Variants in PROS1 observed in about 807,000 individuals in gnomAD.
PROS1 encodes vitamin K-dependent protein S.
In PROS1, 29 loss-of-function variants were observed where a neutral mutation model predicts 75.9. The ratio of observed to expected loss-of-function variants is 0.38; its 90% confidence interval spans 0.28 to 0.52. The LOEUF is 0.52. Ranked by LOEUF, PROS1 falls within the 20% of genes least tolerant of loss-of-function variation. The pLI is 0.83. For synonymous variants in PROS1, 245 were observed against 280.6 expected (o/e 0.87, Z 1.27); for missense variants, 680 against 810.3 (o/e 0.84, Z 1.95).
intron 6 of PROS1, among the ~76,000 whole-genome samples, chr3:93,904,517 A>C (rs1576186239): frequency 6.6e-6 from 1 of 152,248 alleles, no homozygotes; most frequent in East Asian, 1.9e-4. Context: ...ATTCAGTAAG[A>C]GATGGATGAT....
chr3:93,902,466 C>A (rs1270223947), intron 6 of PROS1, among the ~76,000 whole-genome samples: 2 of 152,104 alleles, frequency 1.3e-5, no homozygotes, highest in Non-Finnish European at 2.9e-5. Flanking sequence ...AGGTTGTATT[C>A]TTTCAGCTGG....
intron 1 of PROS1, among the ~76,000 whole-genome samples, chr3:93,927,850 C>CATAT (rs62909461): frequency 0.25 from 29,253 of 117,272 alleles, 4,025 homozygotes; most frequent in South Asian, 0.34. Context: ...AAAAAACAAA[C>CATAT]ATATATATAT....
At chr3:93,910,993 A>C (rs1401007034) in intron 3 of PROS1, 8 of 381,046 alleles carry the variant, frequency 2.1e-5, no homozygotes, top group Non-Finnish European at 3.9e-5. Flanking sequence ...TTTAGCATAG[A>C]AATTTATTGT....
intron 1 of PROS1, among the ~76,000 whole-genome samples, chr3:93,965,150 C>A (rs572290302): frequency 6.6e-6 from 1 of 152,314 alleles, no homozygotes. Flanking sequence ...AATGGCAACC[C>A]CCTTTGGGTC....
intron 1 of PROS1, among the ~76,000 whole-genome samples, chr3:93,927,909 G>A (rs1269348905): frequency 3.7e-4 from 50 of 136,346 alleles, no homozygotes; most frequent in Non-Finnish European, 5.0e-4. Context: ...ATGTGTGTGT[G>A]TGTGTATATA....
At position 93,877,068 on chromosome 3, in the gene PROS1, G is replaced by C; in HGVS notation, c.1768C>G (p.Leu590Val). The C allele has an allele frequency of 1.2e-6, 2 of 1,613,700 alleles. No individual in the cohort carries two copies. Among genetic ancestry groups the C allele is most frequent in the Non-Finnish European group, 1.7e-6 (2 of 1,179,630 alleles). The change falls in exon 14 of 15, where the codon CTT becomes GTT. Residue 590 changes from leucine (L) to valine (V), a missense_variant. Transcript: ENST00000394236. ...NRNNLELSTP[L>V]KIETISHEDL... ...TCATGGGAGATGGTTTCTATTTTAA[G>C]TGGTGTCGACAACTCCAGATTGTTT...
At chr3:93,876,665 A>C (rs1325452654) in intron 14 of PROS1, among the ~76,000 whole-genome samples, 1 of 151,726 alleles carries the variant, frequency 6.6e-6, no homozygotes, top group Non-Finnish European at 1.5e-5. Context: ...ATATTGGGTA[A>C]ATTAGAACAA....
In PROS1 at chr3:93,973,795, CGGGGACCG is replaced by C. The variant is rs1431186366; in HGVS notation, c.-54_-47del. Reference sequence around the variant, plus strand: ...CGGCAGGGACGGTGGCGCGTCGCGGCGGGGACCGGAGCGCTAGGCGCCGCGGAGCTGCG... The same window carrying C: ...CGGCAGGGACGGTGGCGCGTCGCGGCGAGCGCTAGGCGCCGCGGAGCTGCG... On this transcript the variant is annotated 5_prime_UTR_variant, in exon 1 of 15. Transcript: ENST00000394236. The C allele has an allele frequency of 6.5e-7, 1 of 1,547,334 alleles. No individual in the cohort carries two copies.
chr3:93,948,829 A>T (rs1709445866), intron 1 of PROS1, among the ~76,000 whole-genome samples: 1 of 152,128 alleles, frequency 6.6e-6, no homozygotes, highest in Non-Finnish European at 1.5e-5. Flanking sequence ...ACCTTCCATG[A>T]CTTCAATTAC....
intron 3 of PROS1, among the ~76,000 whole-genome samples, chr3:93,921,815 A>G (rs1343766220): frequency 6.6e-6 from 1 of 151,992 alleles, no homozygotes; most frequent in Non-Finnish European, 1.5e-5. Context: ...TGTCAGTCTC[A>G]CTTACTAACC....
intron 1 of PROS1, among the ~76,000 whole-genome samples, chr3:93,956,563 A>AAC (rs35328809): frequency 0.27 from 34,011 of 128,228 alleles, 5,546 homozygotes; most frequent in African/African-American, 0.5. Flanking sequence ...CACACACACA[A>AAC]ACACACACAC....
At chr3:93,933,444 G>A (rs552068181) in intron 1 of PROS1, among the ~76,000 whole-genome samples, 42 of 151,840 alleles carry the variant, frequency 2.8e-4, no homozygotes, top group South Asian at 1.2e-3. Context: ...GCATGGTGGC[G>A]CACACCTGGA....
At chr3:93,898,611 C>T (rs751454285) in intron 7 of PROS1, 42 bp from the exon 8 acceptor site, 2 of 1,605,530 alleles carry the variant, frequency 1.2e-6, no homozygotes, top group South Asian at 1.1e-5. Flanking sequence ...TTAATATCCC[C>T]TAAATGTTCA....
chr3:93,887,746 G>C (rs1204042464), intron 10 of PROS1, among the ~76,000 whole-genome samples: 1 of 152,080 alleles, frequency 6.6e-6, no homozygotes, highest in African/African-American at 2.4e-5. Context: ...CTACTTCTCA[G>C]TCTCCTTTGC....
intron 7 of PROS1, among the ~76,000 whole-genome samples, chr3:93,899,268 T>C (rs1708549673): frequency 6.6e-6 from 1 of 152,028 alleles, no homozygotes; most frequent in Non-Finnish European, 1.5e-5. Context: ...TATAATATTA[T>C]GTTGAAGCAA....
intron 1 of PROS1, among the ~76,000 whole-genome samples, chr3:93,956,502 C>G (rs1709601360): frequency 6.7e-6 from 1 of 149,552 alleles, no homozygotes; most frequent in African/African-American, 2.5e-5. Context: ...CTCTGTCTCT[C>G]TCTCTCTCTG....
intron 12 of PROS1, among the ~76,000 whole-genome samples, chr3:93,882,182 T>C (rs1444669840): frequency 2.0e-5 from 3 of 152,174 alleles, no homozygotes; most frequent in African/African-American, 7.2e-5. Flanking sequence ...GAAATATTAA[T>C]TGATAAAAGA....
chr3:93,899,808 T>C (rs1407225735), intron 7 of PROS1, among the ~76,000 whole-genome samples: 1 of 152,200 alleles, frequency 6.6e-6, no homozygotes, highest in Non-Finnish European at 1.5e-5. Context: ...GCTTAATGGT[T>C]ACTGCTTAAG....
intron 1 of PROS1, among the ~76,000 whole-genome samples, chr3:93,940,428 G>T (rs1709266192): frequency 6.6e-6 from 1 of 152,088 alleles, no homozygotes; most frequent in Non-Finnish European, 1.5e-5. Context: ...TCAAGGGCGT[G>T]TTTCCCTTGC....
Sources: allele counts gnomAD v4.1 joint callset (sites outside exome capture counted in the v4.1 genomes callset), GRCh38; gene constraint gnomAD v4.1.1; transcripts MANE v1.5; gene names NCBI Gene and HGNC (gene_info 2026-07-23, HGNC 2026-07-21).